Variants in CNTNAP2 observed in about 807,000 individuals in gnomAD.
CNTNAP2 encodes the protein contactin-associated protein-like 2.
Under a neutral mutation model 155.2 loss-of-function variants are expected in CNTNAP2, and 98 were observed. The ratio of observed to expected loss-of-function variants is 0.63; its 90% CI spans 0.54 to 0.75. The LOEUF (loss-of-function observed/expected upper bound fraction) is 0.75, where lower values mean the gene tolerates loss of function less well. Among genes scored for constraint, CNTNAP2 ranks in the 30% least tolerant of loss-of-function variants. The probability of loss-of-function intolerance (pLI) is 0.00; values close to 1 mark genes in which losing one functional copy is unlikely to be tolerated. For missense variants in CNTNAP2, 1,727 were observed against 1,688.1 expected, an observed-to-expected ratio of 1.02 and a Z score of -0.40; for synonymous variants, 651 against 631.2, an observed-to-expected ratio of 1.03 and a Z score of -0.47.
At chr7:147,593,792 T>A (rs1347645336) in intron 12 of CNTNAP2, among the ~76,000 whole-genome samples, 1 of 152,204 alleles carries the variant, frequency 6.6e-6, no homozygotes, top group Non-Finnish European at 1.5e-5. Flanking sequence ...CTGTTTAGTG[T>A]GTGTCCAGCT....
At chr7:147,122,247 A>G (rs1207857459) in intron 6 of CNTNAP2, 1 of 152,202 alleles carries the variant, frequency 6.6e-6, no homozygotes, top group Non-Finnish European at 1.5e-5. Flanking sequence ...AACACTATAC[A>G]TACAAAAGCA....
intron 1 of CNTNAP2, among the ~76,000 whole-genome samples, chr7:146,743,392 G>A (rs1437218245): frequency 6.6e-6 from 1 of 152,082 alleles, no homozygotes; most frequent in Non-Finnish European, 1.5e-5. Context: ...GGAGTTATTT[G>A]TCAGGGATAT....
At chr7:147,234,453 T>C (rs1803756633) in intron 8 of CNTNAP2, among the ~76,000 whole-genome samples, 1 of 148,262 alleles carries the variant, frequency 6.7e-6, no homozygotes, top group Non-Finnish European at 1.5e-5. Flanking sequence ...TTCTCCTGCC[T>C]CAGCCTCCAG....
At chr7:147,795,056 A>C (rs1030843375) in intron 13 of CNTNAP2, among the ~76,000 whole-genome samples, 11 of 151,666 alleles carry the variant, frequency 7.3e-5, no homozygotes, top group African/African-American at 2.7e-4. Flanking sequence ...TATGTTAACT[A>C]TCTCTGTTAT....
chr7:146,144,773 C>A (rs1223589407), intron 1 of CNTNAP2, among the ~76,000 whole-genome samples: 1 of 152,120 alleles, frequency 6.6e-6, no homozygotes, highest in Non-Finnish European at 1.5e-5. Flanking sequence ...CTCTAAATCC[C>A]ACTTTTTTGT....
intron 1 of CNTNAP2, among the ~76,000 whole-genome samples, chr7:146,200,425 C>T (rs1371919997): frequency 2.0e-5 from 3 of 151,860 alleles, no homozygotes; most frequent in Admixed American, 6.6e-5. Flanking sequence ...ACCCGGAAGG[C>T]GGAGGTTGCA....
chr7:146,741,067 C>T (rs558500778), intron 1 of CNTNAP2, among the ~76,000 whole-genome samples: 1 of 152,208 alleles, frequency 6.6e-6, no homozygotes, highest in Admixed American at 6.5e-5. Flanking sequence ...AAATCCTGTG[C>T]TCACATCCCT....
chr7:148,233,517 T>G (rs1437714960), intron 20 of CNTNAP2, among the ~76,000 whole-genome samples: 1 of 152,240 alleles, frequency 6.6e-6, no homozygotes, highest in Non-Finnish European at 1.5e-5. Context: ...CCAGTTCCTC[T>G]TGAGAATTGA....
At chr7:147,817,201 A>G (rs1439340738) in intron 13 of CNTNAP2, among the ~76,000 whole-genome samples, 1 of 152,228 alleles carries the variant, frequency 6.6e-6, no homozygotes, top group Non-Finnish European at 1.5e-5. Context: ...CTGTAAATTT[A>G]AAAAAGAAAG....
intron 13 of CNTNAP2, among the ~76,000 whole-genome samples, chr7:147,898,824 A>G (rs1799814815): frequency 6.6e-6 from 1 of 151,994 alleles, no homozygotes; most frequent in African/African-American, 2.4e-5. Context: ...AGCCCCAGAG[A>G]TTTTAATTGA....
In CNTNAP2 at chr7:147,358,072, T is replaced by C. The variant is rs74603580; in HGVS notation, c.1499-37537T>C. Reference sequence around the variant, plus strand: ...TTGGATACTAAAAACTTTCTTATGATATCATGCATTTAAAAATTAGGAAAT... The same window carrying C: ...TTGGATACTAAAAACTTTCTTATGACATCATGCATTTAAAAATTAGGAAAT... On this transcript the variant is annotated intron_variant, in intron 9 of 23. Transcript: ENST00000361727. Among the ~76,000 whole-genome samples the C allele has an allele frequency of 3.8e-3, 573 of 152,246 alleles. 2 individuals are homozygous for C. The highest frequency in any genetic ancestry group is 0.013 in the African/African-American group (551 of 41,562).
intron 21 of CNTNAP2, among the ~76,000 whole-genome samples, chr7:148,362,126 T>A (rs1798634433): frequency 6.6e-6 from 1 of 152,058 alleles, no homozygotes; most frequent in African/African-American, 2.4e-5. Flanking sequence ...GGAGAATCAC[T>A]TGAACCTAGG....
In CNTNAP2 at chr7:147,264,433, T is replaced by G. The variant is rs554424031; in HGVS notation, c.1349-35708T>G. The stretch of plus-strand genomic sequence containing the variant: ...GTAGAATGGTAGAACAAGGTAAGAG[T>G]CTAAGGGGAAGTGGGATAAAATTTC... On this transcript the variant is annotated intron_variant, in intron 8 of 23. Transcript: ENST00000361727. 2.0e-5 allele frequency among the ~76,000 whole-genome samples: 3 copies of G among 151,654 alleles called. No homozygotes were observed. In the East Asian group the frequency reaches 6.0e-4, roughly 30 times the overall value.
intron 2 of CNTNAP2, among the ~76,000 whole-genome samples, chr7:146,789,262 A>T (rs1336349551): frequency 3.3e-5 from 5 of 152,182 alleles, no homozygotes; most frequent in African/African-American, 1.2e-4. Context: ...ACTTTGTGAG[A>T]ACTTTTCTTT....
intron 6 of CNTNAP2, among the ~76,000 whole-genome samples, chr7:147,127,741 C>T (rs1233542872): frequency 6.6e-6 from 1 of 151,698 alleles, no homozygotes; most frequent in Non-Finnish European, 1.5e-5. Flanking sequence ...AGTGGTTGGA[C>T]CACAGAGCAT....
At chr7:146,904,470 CTTTGTTTG>C (rs370373672) in intron 3 of CNTNAP2, among the ~76,000 whole-genome samples, 1 of 151,994 alleles carries the variant, frequency 6.6e-6, no homozygotes, top group African/African-American at 2.4e-5. Context: ...GAGAATTCAT[CTTTGTTTG>C]TTTGTTTGTT....
intron 4 of CNTNAP2, 140 bp downstream of exon 4, chr7:147,044,194 A>G (rs1799313053): frequency 6.1e-6 from 5 of 822,078 alleles, no homozygotes; most frequent in Non-Finnish European, 9.7e-6. Flanking sequence ...GTATCTATGC[A>G]TAGATACATA....
intron 1 of CNTNAP2, among the ~76,000 whole-genome samples, chr7:146,348,954 G>A (rs1300985116): frequency 6.6e-6 from 1 of 151,768 alleles, no homozygotes; most frequent in East Asian, 1.9e-4. Context: ...AAATAATCTT[G>A]CATGTATTAC....
chr7:147,952,234 G>A (rs1236155379), intron 14 of CNTNAP2, among the ~76,000 whole-genome samples: 2 of 78,046 alleles, frequency 2.6e-5, no homozygotes, highest in African/African-American at 7.6e-5. Context: ...CCTGAGGTTG[G>A]GAGTTTGAGA....
Sources: gnomAD v4.1 joint callset for allele counts (sites outside exome capture counted in the v4.1 genomes callset) on GRCh38, gnomAD v4.1.1 for gene constraint, MANE v1.5 for transcripts, NCBI Gene and HGNC (gene_info 2026-07-23, HGNC 2026-07-21) for gene names.